The following DNAAF8 variants were observed in gnomAD, a reference collection of about 807,000 sequenced individuals.
DNAAF8 encodes dynein axonemal assembly factor 8, also known as dynein axonemal-associated protein 1.
DNAAF8 carries 61 observed loss-of-function variants against 54.6 expected under a neutral mutation model. The observed-to-expected ratio is 1.12, with a 90% confidence interval of 0.91 to 1.38. DNAAF8 has a LOEUF of 1.38. Among genes scored for constraint, DNAAF8 ranks in the 40% most tolerant of loss-of-function variants. The probability of loss-of-function intolerance (pLI) is 0.00; values close to 1 mark genes in which losing one functional copy is unlikely to be tolerated. For synonymous variants in DNAAF8, 320 were observed against 270.1 expected (o/e 1.18, Z -1.81); for missense variants, 837 against 665.0 (o/e 1.26, Z -2.85).
intron 3 of DNAAF8, among the ~76,000 whole-genome samples, chr16:4,738,760 GTAATCGCAGCTA>G (rs1416168407): frequency 5.3e-5 from 8 of 152,160 alleles, no homozygotes; most frequent in Non-Finnish European, 8.8e-5. Context: ...GCAGGTGCCT[GTAATCGCAGCTA>G]CTCCAGAGGC....
At chr16:4,741,699 T>C (rs1427376830) in intron 4 of DNAAF8, among the ~76,000 whole-genome samples, 1 of 151,968 alleles carries the variant, frequency 6.6e-6, no homozygotes, top group Non-Finnish European at 1.5e-5. Flanking sequence ...TTTGGGAGGC[T>C]GAGGCAGGAG....
chr16:4,745,095 C>T (rs2081997517), intron 6 of DNAAF8, 84 bp downstream of exon 6: 6 of 1,482,256 alleles, frequency 4.0e-6, no homozygotes, highest in Admixed American at 1.8e-5. Flanking sequence ...CTACCAAGGG[C>T]GGGGCACTCC....
At position 4,744,988 on chromosome 16, in the gene DNAAF8, C is replaced by A. The variant is rs760572839; in HGVS notation, c.1020C>A (p.Thr340=). ...TGCCTGCCGACACTCCCCAGGACAC[C>A]AAAGAGGCAGATTCAGGAAGCAGGT... ...RKVPADTPQD[T]KEADSGSRCA... The change falls in exon 6 of 10, where the codon ACC becomes ACA. Residue 340 remains threonine (T), a synonymous_variant. Transcript: ENST00000299320. The A allele has an allele frequency of 6.2e-7, 1 of 1,613,574 alleles. No individual in the cohort carries two copies. The highest frequency in any genetic ancestry group is 1.1e-5 in the South Asian group (1 of 91,076).
At chr16:4,743,921 TC>T (rs2081980339) in intron 5 of DNAAF8, 3 of 125,714 alleles carry the variant, frequency 2.4e-5, no homozygotes, top group Non-Finnish European at 5.1e-5. Flanking sequence ...CAGAATGTAT[TC>T]TTTTTTTTTT....
At chr16:4,745,110 G>A in intron 6 of DNAAF8, 99 bp downstream of exon 6, 2 of 1,424,356 alleles carry the variant, frequency 1.4e-6, no homozygotes, top group Non-Finnish European at 1.9e-6. Flanking sequence ...CACTCCATGT[G>A]CATTTTCTCA....
intron 7 of DNAAF8, 123 bp downstream of exon 7, chr16:4,746,635 C>G: frequency 7.6e-7 from 1 of 1,311,270 alleles, no homozygotes; most frequent in Non-Finnish European, 1.0e-6. Flanking sequence ...TGGATCAATT[C>G]TCAATTGAAA....
chr16:4,744,769 C>T, intron 5 of DNAAF8, 101 bp from the exon 6 acceptor site: 2 of 1,397,406 alleles, frequency 1.4e-6, no homozygotes, highest in South Asian at 2.6e-5. Flanking sequence ...GCCTGAGGTC[C>T]ATTCACATGT....
chr16:4,743,106 G>C lies in DNAAF8; in HGVS notation c.847G>C (p.Gly283Arg), dbSNP rs2081973963. Residue 283 changes from glycine (G) to arginine (R), a missense_variant, in exon 5 of 10, where the codon GGA becomes CGA. Coordinates refer to ENST00000299320, the MANE Select transcript of DNAAF8 (RefSeq NM_139170.3). Reference sequence around the variant, plus strand: ...TCTGGCGGGACAAGAAGACAACCAGGGAAATCGTGCACCTGGAACTGTGTG... The same window carrying C: ...TCTGGCGGGACAAGAAGACAACCAGCGAAATCGTGCACCTGGAACTGTGTG... ...QSLAGQEDNQ[G>R]NRAPGTVWWA... is the part of the protein sequence containing the mutation. 1 of 1,612,374 alleles carries C rather than the reference G, an allele frequency of 6.2e-7. No individual in the cohort carries two copies. The highest frequency in any genetic ancestry group is 1.3e-5 in the African/African-American group (1 of 74,792).
rs534025297 is a variant in DNAAF8 at position 4,746,684 on chromosome 16, G to A, written c.1181+172G>A. ...AGTCCCCCTGGGTCCCTGCAGGGAG[G>A]GAAGAGGGGCATGAGGCACACCTCC... On this transcript the variant is annotated intron_variant, in intron 7 of 9. Coordinates refer to ENST00000299320, the MANE Select transcript of DNAAF8 (RefSeq NM_139170.3). 5.1e-6 allele frequency: 5 copies of A among 975,366 alleles called. No homozygotes were observed. In the South Asian group the frequency reaches 7.0e-5, roughly 14 times the overall value. The allele number at this position is 975,366 out of a possible 1,614,324, so 60.4% of individuals were successfully genotyped here.
chr16:4,739,535 A>C (rs765738311), intron 3 of DNAAF8, among the ~76,000 whole-genome samples: 1 of 149,580 alleles, frequency 6.7e-6, no homozygotes, highest in Admixed American at 6.7e-5. Context: ...CATATTCAAC[A>C]GTAGCTTTCC....
chr16:4,746,944 C>T lies in DNAAF8; in HGVS notation c.1199C>T (p.Ser400Phe). ...CCCTGCAGCTCCAGCCACAGCTCCTCTGACAGTGAGGAGGAGGAGGAGGAA... is the reference window on the plus strand; with the variant it reads ...CCCTGCAGCTCCAGCCACAGCTCCTTTGACAGTGAGGAGGAGGAGGAGGAA... ...LSPESSSHSS[S>F]DSEEEEEEEM... The change falls in exon 8 of 10, where the codon TCT becomes TTT. Residue 400 changes from serine to phenylalanine, a missense_variant. By Grantham distance (155) the Ser-to-Phe change is radical (BLOSUM62 -2). Transcript: ENST00000299320. The T allele has an allele frequency of 6.4e-7, 1 of 1,563,626 alleles. No homozygotes were observed. Among genetic ancestry groups the T allele is most frequent in the East Asian group, 2.4e-5 (1 of 41,806 alleles).
intron 1 of DNAAF8, chr16:4,735,017 G>T (rs2081860773): frequency 6.6e-6 from 1 of 152,210 alleles, no homozygotes; most frequent in African/African-American, 2.4e-5. Context: ...TCGCCTTCTG[G>T]ATGCTCTGAG....
At chr16:4,741,499 C>T (rs192239252) in intron 4 of DNAAF8, among the ~76,000 whole-genome samples, 1 of 152,194 alleles carries the variant, frequency 6.6e-6, no homozygotes, top group Admixed American at 6.5e-5. Context: ...TTAATGAGAT[C>T]ATAAGAAACT....
Position 4,736,569 on chromosome 16 carries a change from C to T in DNAAF8, c.55C>T (p.Gln19Ter). 6.3e-7 allele frequency: 1 copy of T among 1,590,190 alleles called. No individual in the cohort carries two copies. The highest frequency in any genetic ancestry group is 1.7e-4 in the Middle Eastern group (1 of 6,004). Residue 19 changes from glutamine to a stop codon, truncating the protein, a stop_gained, in exon 2 of 10, where the codon CAG becomes TAG. Transcript: ENST00000299320. LOFTEE classifies it high-confidence loss of function. Reference protein sequence around the residue: ...APSLGSPWASQMGPWDAILKA... With the variant: ...APSLGSPWAS ...CTCGCTGGGCTCTCCCTGGGCCTCC[C>T]AGATGGGGCCCTGGGATGCCATCCT... is the stretch of plus-strand genomic sequence containing the variant.
intron 4 of DNAAF8, among the ~76,000 whole-genome samples, chr16:4,741,702 G>A (rs553830719): frequency 6.6e-6 from 1 of 152,100 alleles, no homozygotes; most frequent in African/African-American, 2.4e-5. Context: ...GGGAGGCTGA[G>A]GCAGGAGAAT....
chr16:4,734,887 GGGGGCGGGGCTCTGAGAACC>G (rs1177282405), intron 1 of DNAAF8, 189 bp downstream of exon 1: 2 of 152,178 alleles, frequency 1.3e-5, no homozygotes, highest in African/African-American at 4.8e-5. Context: ...CAGGCCGGCT[GGGGGCGGGGCTCTGAGAACC>G]GGGGCGGGGC....
At position 4,743,167 on chromosome 16, in the gene DNAAF8, C is replaced by T; in HGVS notation, c.901+7C>T. The T allele has an allele frequency of 1.9e-6, 3 of 1,565,256 alleles. No homozygotes were observed. The highest frequency in any genetic ancestry group is 2.6e-6 in the Non-Finnish European group (3 of 1,145,186). On this transcript the variant is annotated splice_region_variant and intron_variant, in intron 5 of 9. Transcript: ENST00000299320. ...GACCACCGCCAAGTTCAAGGTCTGACCTTGAACACTGGAGCCCACGTGAAT... is the reference window on the plus strand; with the variant it reads ...GACCACCGCCAAGTTCAAGGTCTGATCTTGAACACTGGAGCCCACGTGAAT...
At position 4,744,990 on chromosome 16, in the gene DNAAF8, A is replaced by G. The variant is rs763894075; in HGVS notation, c.1022A>G (p.Lys341Arg). The change falls in exon 6 of 10, where the codon AAA becomes AGA. Residue 341 changes from lysine to arginine, a missense_variant. By Grantham distance (26) the Lys-to-Arg change is conservative. Coordinates refer to ENST00000299320, the MANE Select transcript of DNAAF8 (RefSeq NM_139170.3). ...KVPADTPQDT[K>R]EADSGSRCAS... is the part of the protein sequence containing the mutation. ...CCTGCCGACACTCCCCAGGACACCA[A>G]AGAGGCAGATTCAGGAAGCAGGTGG... 1.3e-5 allele frequency: 21 copies of G among 1,613,432 alleles called. No individual in the cohort carries two copies. The South Asian group carries it at 2.3e-4, about 18-fold the overall frequency.
intron 3 of DNAAF8, among the ~76,000 whole-genome samples, chr16:4,739,525 C>G (rs960419220): frequency 1.2e-4 from 18 of 150,848 alleles, no homozygotes; most frequent in African/African-American, 4.1e-4. Flanking sequence ...TTAGCCAGCC[C>G]ATATTCAACA....
Sources: gnomAD v4.1 joint callset for allele counts (sites outside exome capture counted in the v4.1 genomes callset) on GRCh38, gnomAD v4.1.1 for gene constraint, MANE v1.5 for transcripts, NCBI Gene and HGNC (gene_info 2026-07-23, HGNC 2026-07-21) for gene names.